FKBP5: variants seen among roughly 807,000 people sequenced by gnomAD.
FKBP5 encodes the protein peptidyl-prolyl cis-trans isomerase FKBP5.
FKBP5 carries 23 observed loss-of-function variants against 50.5 expected under a neutral mutation model. That is an observed-to-expected ratio of 0.46 (90% CI 0.33 to 0.65). The LOEUF is 0.65. Among genes scored for constraint, FKBP5 ranks in the 30% least tolerant of loss-of-function variants. The probability of loss-of-function intolerance (pLI) is 0.02; values close to 1 mark genes in which losing one functional copy is unlikely to be tolerated. For missense variants in FKBP5, 411 were observed against 553.1 expected (o/e 0.74, Z 2.58); for synonymous variants, 176 against 190.6 (o/e 0.92, Z 0.63).
At chr6:35,711,687 T>C (rs1394964991) in intron 2 of FKBP5, among the ~76,000 whole-genome samples, 1 of 152,060 alleles carries the variant, frequency 6.6e-6, no homozygotes, top group Admixed American at 6.6e-5. Context: ...GGGAAGCTTT[T>C]AGAGTGGAGG....
intron 1 of FKBP5, among the ~76,000 whole-genome samples, chr6:35,656,879 C>T (rs1268035633): frequency 1.1e-5 from 1 of 91,736 alleles, no homozygotes; most frequent in Non-Finnish European, 2.1e-5. Context: ...CCTGGGGAAA[C>T]AGCAAGACTC....
At chr6:35,712,696 C>T (rs116771935) in intron 2 of FKBP5, among the ~76,000 whole-genome samples, 4,080 of 152,244 alleles carry the variant, frequency 0.027, 181 homozygotes, top group African/African-American at 0.091. Context: ...CAACAGGTAT[C>T]TCCCAAGCCT....
intron 1 of FKBP5, among the ~76,000 whole-genome samples, chr6:35,648,264 T>C (rs1025268065): frequency 1.3e-5 from 2 of 152,170 alleles, no homozygotes; most frequent in African/African-American, 4.8e-5. Flanking sequence ...ATGGAATTTT[T>C]ATTTATTTCT....
At chr6:35,726,286 G>A (rs930359495) in intron 1 of FKBP5, among the ~76,000 whole-genome samples, 2 of 152,172 alleles carry the variant, frequency 1.3e-5, no homozygotes, top group Non-Finnish European at 2.9e-5. Context: ...GTACGTAGGA[G>A]TGGCAGGCCA....
chr6:35,584,094 T>C, intron 8 of FKBP5: 1 of 985,466 alleles, frequency 1.0e-6, no homozygotes, highest in Non-Finnish European at 1.2e-6. Flanking sequence ...AGGTGTGAGT[T>C]AATGCTCCTG....
At chr6:35,578,621 A>T (rs1455365962) in intron 9 of FKBP5, among the ~76,000 whole-genome samples, 1 of 151,936 alleles carries the variant, frequency 6.6e-6, no homozygotes, top group Non-Finnish European at 1.5e-5. Context: ...TACAAAAATT[A>T]GCCTGGTGTG....
chr6:35,716,573 A>T (rs952660327), intron 2 of FKBP5, among the ~76,000 whole-genome samples: 26 of 152,010 alleles, frequency 1.7e-4, no homozygotes, highest in Non-Finnish European at 3.1e-4. Context: ...ACCGTGTCTT[A>T]TGATTTCTGT....
chr6:35,620,170 G>C lies in FKBP5; in HGVS notation c.355C>G (p.Leu119Val), dbSNP rs766837790. Residue 119 changes from leucine (L) to valine (V), a missense_variant, in exon 4 of 11, where the codon CTC becomes GTC. Physicochemically the swap from Leu to Val is conservative, Grantham distance 32 (BLOSUM62 1). Coordinates refer to ENST00000357266, the MANE Select transcript of FKBP5 (RefSeq NM_004117.4). ...PEYAYGSAGS[L>V]PKIPSNATLF... ...GTTGCATTCGAGGGAATTTTAGGGA[G>C]ACTGCCAGCCGAGCCATATGCATAT... The C allele has an allele frequency of 6.2e-7, 1 of 1,614,132 alleles. No individual in the cohort carries two copies. The highest frequency in any genetic ancestry group is 8.5e-7 in the Non-Finnish European group (1 of 1,180,022).
intron 2 of FKBP5, among the ~76,000 whole-genome samples, chr6:35,706,476 A>G (rs1421028935): frequency 1.3e-5 from 2 of 152,100 alleles, no homozygotes; most frequent in Non-Finnish European, 2.9e-5. Context: ...GAAATACATA[A>G]GAGGATACTG....
At chr6:35,704,601 G>A (rs1489483901) in intron 2 of FKBP5, among the ~76,000 whole-genome samples, 3 of 151,554 alleles carry the variant, frequency 2.0e-5, no homozygotes, top group African/African-American at 4.9e-5. Context: ...TGTTTTTTTG[G>A]GATTTATAGA....
At chr6:35,610,474 A>G (rs1763456713) in intron 5 of FKBP5, among the ~76,000 whole-genome samples, 3 of 141,378 alleles carry the variant, frequency 2.1e-5, no homozygotes, top group Admixed American at 7.6e-5. Context: ...AGGCTGAGGC[A>G]GGAGAATGGC....
At chr6:35,614,022 G>C (rs1763571703) in intron 5 of FKBP5, among the ~76,000 whole-genome samples, 1 of 151,988 alleles carries the variant, frequency 6.6e-6, no homozygotes, top group South Asian at 2.1e-4. Flanking sequence ...CAGTCTTCTG[G>C]GTAGCTGGGA....
chr6:35,594,799 G>C (rs1282884049), intron 6 of FKBP5, among the ~76,000 whole-genome samples: 4 of 152,082 alleles, frequency 2.6e-5, no homozygotes, highest in African/African-American at 9.7e-5. Flanking sequence ...CCAACACCTT[G>C]AACAAAAATA....
chr6:35,576,921 T>C lies in FKBP5; in HGVS notation c.1266+73A>G. 6 of 1,559,026 alleles carry C rather than the reference T, an allele frequency of 3.8e-6. No individual in the cohort carries two copies. In the South Asian group the frequency reaches 5.9e-5, roughly 15 times the overall value. On this transcript the variant is annotated intron_variant, in intron 10 of 10. Transcript: ENST00000357266. ...TTGAGCCTCTTGGGTTGTTTAGCTG[T>C]TCCTGTCCCCTAAAATCAAAGGGGC...
intron 1 of FKBP5, among the ~76,000 whole-genome samples, chr6:35,656,919 AAAAG>A (rs1423778411): frequency 6.7e-6 from 1 of 149,628 alleles, no homozygotes; most frequent in African/African-American, 2.5e-5. Flanking sequence ...AGAAAAAAGA[AAAAG>A]AAAAAAAGCC....
At chr6:35,590,700 G>A (rs549336413) in intron 7 of FKBP5, among the ~76,000 whole-genome samples, 1 of 152,154 alleles carries the variant, frequency 6.6e-6, no homozygotes, top group Admixed American at 6.5e-5. Flanking sequence ...GAGCCACAGT[G>A]CAGGCCTCTT....
chr6:35,590,147 A>G (rs979354757), intron 7 of FKBP5, among the ~76,000 whole-genome samples: 4 of 152,092 alleles, frequency 2.6e-5, no homozygotes, highest in African/African-American at 7.2e-5. Flanking sequence ...AAAATAAACA[A>G]AATTAGCTGG....
chr6:35,686,170 A>T (rs1046786053), intron 1 of FKBP5, among the ~76,000 whole-genome samples: 11 of 152,162 alleles, frequency 7.2e-5, no homozygotes, highest in Admixed American at 3.9e-4. Flanking sequence ...AACACTCCCA[A>T]TGTTTATTGT....
At chr6:35,637,210 C>A (rs775177222) in intron 2 of FKBP5, 52 bp from the exon 3 acceptor site, 22 of 1,548,730 alleles carry the variant, frequency 1.4e-5, no homozygotes, top group Admixed American at 1.9e-5. Flanking sequence ...TACTTGTAAT[C>A]AGAGAATAAA....
Sources: allele counts gnomAD v4.1 joint callset (sites outside exome capture counted in the v4.1 genomes callset), GRCh38; gene constraint gnomAD v4.1.1; transcripts MANE v1.5; gene names NCBI Gene and HGNC (gene_info 2026-07-23, HGNC 2026-07-21).